The following FBXL7 variants were observed in gnomAD, a reference collection of about 807,000 sequenced individuals.
FBXL7 encodes F-box and leucine rich repeat protein 7, also known as F-box/LRR-repeat protein 7.
FBXL7 carries 12 observed loss-of-function variants against 38.3 expected under a neutral mutation model. That is an observed-to-expected ratio of 0.31 (90% CI 0.20 to 0.51). The LOEUF (loss-of-function observed/expected upper bound fraction) is 0.51. Ranked by LOEUF, FBXL7 falls within the 20% of genes least tolerant of loss-of-function variation. The probability of loss-of-function intolerance (pLI) is 0.98; values close to 1 mark genes in which losing one functional copy is unlikely to be tolerated. For synonymous variants in FBXL7, 297 were observed against 300.9 expected, an observed-to-expected ratio of 0.99 and a Z score of 0.13; for missense variants, 567 against 676.4, an observed-to-expected ratio of 0.84 and a Z score of 1.79.
intron 2 of FBXL7, among the ~76,000 whole-genome samples, chr5:15,734,339 C>T (rs1295065185): frequency 4.6e-5 from 7 of 152,206 alleles, no homozygotes; most frequent in Admixed American, 6.5e-5. Context: ...ACATACTGCT[C>T]CTCTGGGGCT....
intron 2 of FBXL7, among the ~76,000 whole-genome samples, chr5:15,744,198 T>C (rs1174256921): frequency 6.6e-6 from 1 of 152,268 alleles, no homozygotes. Flanking sequence ...AATAGGTTTT[T>C]ATTTTCTATC....
At chr5:15,935,377 G>A in intron 3 of FBXL7, 1 of 401,206 alleles carries the variant, frequency 2.5e-6, no homozygotes, top group Non-Finnish European at 5.0e-6. Flanking sequence ...TGGAGTGAAC[G>A]GGCGTCATCC....
intron 2 of FBXL7, among the ~76,000 whole-genome samples, chr5:15,721,175 A>G (rs555654017): frequency 1.3e-5 from 2 of 152,272 alleles, no homozygotes; most frequent in African/African-American, 4.8e-5. Flanking sequence ...ATTTTATTTC[A>G]TTATAGGGAC....
At chr5:15,539,236 G>T (rs898642899) in intron 1 of FBXL7, among the ~76,000 whole-genome samples, 23 of 152,298 alleles carry the variant, frequency 1.5e-4, no homozygotes, top group South Asian at 1.2e-3. Flanking sequence ...AGCTTGGTTT[G>T]TAGGGTTAAG....
At chr5:15,886,517 C>G (rs1740685840) in intron 2 of FBXL7, among the ~76,000 whole-genome samples, 1 of 152,078 alleles carries the variant, frequency 6.6e-6, no homozygotes, top group South Asian at 2.1e-4. Flanking sequence ...AAAAAGCAAC[C>G]CCAATGTATG....
chr5:15,539,824 T>G (rs1237973994), intron 1 of FBXL7, among the ~76,000 whole-genome samples: 1 of 149,446 alleles, frequency 6.7e-6, no homozygotes, highest in Non-Finnish European at 1.5e-5. Flanking sequence ...TAAAAACTCT[T>G]TTTAAAAATT....
intron 2 of FBXL7, among the ~76,000 whole-genome samples, chr5:15,753,595 C>T (rs889628607): frequency 6.6e-6 from 1 of 152,130 alleles, no homozygotes; most frequent in African/African-American, 2.4e-5. Flanking sequence ...CATAGATCTA[C>T]ATTGTATTGT....
intron 2 of FBXL7, among the ~76,000 whole-genome samples, chr5:15,894,429 A>T (rs1264279524): frequency 1.3e-5 from 2 of 152,242 alleles, no homozygotes. Context: ...ATTTCAGGGC[A>T]TATTGAAATA....
intron 2 of FBXL7, among the ~76,000 whole-genome samples, chr5:15,735,066 G>A (rs947997320): frequency 1.3e-5 from 2 of 152,086 alleles, no homozygotes; most frequent in Non-Finnish European, 1.5e-5. Flanking sequence ...CAATTAGGTG[G>A]GATTACAGGC....
At chr5:15,916,996 C>T (rs1179860455) in intron 2 of FBXL7, among the ~76,000 whole-genome samples, 1 of 152,162 alleles carries the variant, frequency 6.6e-6, no homozygotes, top group Admixed American at 6.5e-5. Flanking sequence ...ATAGACTCTG[C>T]CTAAATACTC....
At chr5:15,638,986 G>T (rs1488337549) in intron 2 of FBXL7, among the ~76,000 whole-genome samples, 1 of 152,150 alleles carries the variant, frequency 6.6e-6, no homozygotes, top group African/African-American at 2.4e-5. Context: ...ACCTAGTCTG[G>T]TTTTTCCTGG....
In FBXL7 at chr5:15,936,646, C is replaced by A. The variant is rs554047539; in HGVS notation, c.936C>A (p.Thr312=). The A allele has an allele frequency of 1.2e-6, 2 of 1,608,652 alleles. No individual in the cohort carries two copies. Among genetic ancestry groups the A allele is most frequent in the East Asian group, 2.2e-5 (1 of 44,870 alleles). ...ACCTGCGCCGCTGCGTCCGCCTGAC[C>A]GACGAAGGCCTGCGCTACCTGGTGA... The part of the protein sequence containing the change: ...HLYLRRCVRL[T]DEGLRYLVIY... The change falls in exon 4 of 4, where the codon ACC becomes ACA. Residue 312 remains threonine, a synonymous_variant. Transcript: ENST00000504595. The surrounding 1 kb of genome is among the most constrained non-coding windows in gnomAD (Gnocchi z 6.0).
intron 2 of FBXL7, among the ~76,000 whole-genome samples, chr5:15,828,856 G>C (rs1476238385): frequency 6.6e-6 from 1 of 152,198 alleles, no homozygotes; most frequent in East Asian, 1.9e-4. Flanking sequence ...CAGATCATTT[G>C]TCAACCTACA....
intron 2 of FBXL7, among the ~76,000 whole-genome samples, chr5:15,894,827 T>G (rs1359681539): frequency 1.3e-5 from 2 of 152,206 alleles, no homozygotes; most frequent in African/African-American, 4.8e-5. Context: ...AGCTGTGCCA[T>G]CAGGCCTAGA....
At chr5:15,534,807 C>T (rs1737532852) in intron 1 of FBXL7, among the ~76,000 whole-genome samples, 1 of 152,210 alleles carries the variant, frequency 6.6e-6, no homozygotes, top group Non-Finnish European at 1.5e-5. Context: ...TGCTCTACAT[C>T]CTTGCCAGTG....
At chr5:15,657,838 A>T (rs1034179294) in intron 2 of FBXL7, among the ~76,000 whole-genome samples, 1 of 133,612 alleles carries the variant, frequency 7.5e-6, no homozygotes, top group African/African-American at 2.8e-5. Context: ...AACTTTGTCT[A>T]AATTAAAAAA....
rs573476604 is a variant in FBXL7, at chr5:15,659,702, G to A, written c.127+43630G>A. On this transcript the variant is annotated intron_variant, in intron 2 of 3. Coordinates refer to ENST00000504595, the MANE Select transcript of FBXL7 (RefSeq NM_012304.5). Reference sequence around the variant, plus strand: ...ATGGTGTAAGGAGTATAATGCCCACGGTTGAATTCTAAAGCACTGTTAAAA... The same window carrying A: ...ATGGTGTAAGGAGTATAATGCCCACAGTTGAATTCTAAAGCACTGTTAAAA... Among the ~76,000 whole-genome samples, 12 of 152,200 alleles carry A rather than the reference G, an allele frequency of 7.9e-5. No individual in the cohort carries two copies. The East Asian group carries it at 1.7e-3, about 22-fold the overall frequency.
intron 2 of FBXL7, among the ~76,000 whole-genome samples, chr5:15,646,599 T>G (rs1180515194): frequency 2.6e-5 from 4 of 152,224 alleles, no homozygotes; most frequent in Admixed American, 2.6e-4. Flanking sequence ...TGTTTACAGC[T>G]GTTTTGGAGC....
At chr5:15,691,033 G>A (rs1000072159) in intron 2 of FBXL7, among the ~76,000 whole-genome samples, 2 of 152,334 alleles carry the variant, frequency 1.3e-5, no homozygotes, top group South Asian at 2.1e-4. Flanking sequence ...TTTGAAAAGT[G>A]GAATGTTTCC....
Sources: gnomAD v4.1 joint callset for allele counts (sites outside exome capture counted in the v4.1 genomes callset) on GRCh38, gnomAD v4.1.1 for gene constraint, Gnocchi (gnomAD v3.1) non-coding constraint, MANE v1.5 for transcripts, NCBI Gene and HGNC (gene_info 2026-07-23, HGNC 2026-07-21) for gene names.